CHODL: variants seen among roughly 807,000 people sequenced by gnomAD.
CHODL encodes the protein chondrolectin, also known as transmembrane protein MT75.
A neutral mutation model predicts 34.5 loss-of-function variants in CHODL; 29 were observed. That is an observed-to-expected ratio of 0.84 (90% CI 0.63 to 1.15). The LOEUF (loss-of-function observed/expected upper bound fraction) is 1.15. Among genes scored for constraint, CHODL ranks in the 50% most tolerant of loss-of-function variants. CHODL has a pLI of 0.00. For synonymous variants in CHODL, 125 were observed against 116.1 expected (o/e 1.08, Z -0.49); for missense variants, 332 against 332.5 (o/e 1.00, Z 0.01).
chr21:18,256,006 AG>A (rs1352264043), intron 1 of CHODL, among the ~76,000 whole-genome samples: 1 of 152,164 alleles, frequency 6.6e-6, no homozygotes, highest in Admixed American at 6.6e-5. Context: ...CAATTTTAAT[AG>A]ATTTGTTTCG....
At chr21:18,202,617 A>G (rs2073667220) in intron 2 of CHODL, among the ~76,000 whole-genome samples, 1 of 141,330 alleles carries the variant, frequency 7.1e-6, no homozygotes, top group Non-Finnish European at 1.6e-5. Flanking sequence ...GTGAGAAAAT[A>G]AATTTCTGTT....
chr21:17,973,105 C>G (rs921674411), intron 1 of CHODL, among the ~76,000 whole-genome samples: 1 of 152,170 alleles, frequency 6.6e-6, no homozygotes, highest in Non-Finnish European at 1.5e-5. Flanking sequence ...AAAACTGAAA[C>G]TGGACCCCTT....
intron 2 of CHODL, among the ~76,000 whole-genome samples, chr21:18,031,149 T>C (rs111644762): frequency 0.01 from 1,572 of 152,166 alleles, 27 homozygotes; most frequent in African/African-American, 0.036. Flanking sequence ...TCTAGGAAGA[T>C]GTGAAGCCCC....
At chr21:18,170,258 T>A (rs570235352) in intron 2 of CHODL, among the ~76,000 whole-genome samples, 68 of 152,102 alleles carry the variant, frequency 4.5e-4, no homozygotes, top group Non-Finnish European at 9.3e-4. Context: ...CTTTGGTTGC[T>A]CTTTGTATAG....
chr21:18,033,002 G>A (rs1175924396), intron 2 of CHODL, among the ~76,000 whole-genome samples: 2 of 152,016 alleles, frequency 1.3e-5, no homozygotes, highest in African/African-American at 4.8e-5. Flanking sequence ...GGAAGGGAGA[G>A]AGTAAGTATA....
At chr21:18,155,875 G>C (rs913506638) in intron 2 of CHODL, among the ~76,000 whole-genome samples, 1 of 152,152 alleles carries the variant, frequency 6.6e-6, no homozygotes, top group African/African-American at 2.4e-5. Flanking sequence ...GCTAGATAAA[G>C]GCCACTTACA....
At position 18,214,074 on chromosome 21, in the gene CHODL, G is replaced by A. The variant is rs111678865; in HGVS notation, c.-44-42435G>A. On this transcript the variant is annotated intron_variant, in intron 2 of 6. Coordinates refer to the CHODL transcript ENST00000400127. ...GTCTAAAGTCACTTTTTTTCTATCC[G>A]TAGACTCTAATAAATTTGCAATGCC... Among the ~76,000 whole-genome samples, 45 of 152,012 alleles carry A rather than the reference G, an allele frequency of 3.0e-4. No homozygotes were observed. In the East Asian group the frequency reaches 3.5e-3, roughly 12 times the overall value.
rs1016477091 is a variant in CHODL, at chr21:17,991,251, T to C, written c.-144-36621T>C. Among the ~76,000 whole-genome samples, 4 of 152,156 alleles carry C rather than the reference T, an allele frequency of 2.6e-5. No individual in the cohort carries two copies. The East Asian group carries it at 7.7e-4, about 29-fold the overall frequency. ...TTCTTGTCTTGGCTTTTGTGAATAA[T>C]GCAGCAATAAATGCTGGGGTGCAGG... On this transcript the variant is annotated intron_variant, in intron 1 of 6. Coordinates refer to the CHODL transcript ENST00000400127.
At chr21:18,236,085 C>A (rs992032386) in intron 2 of CHODL, among the ~76,000 whole-genome samples, 4 of 151,988 alleles carry the variant, frequency 2.6e-5, no homozygotes, top group African/African-American at 9.7e-5. Flanking sequence ...AATTTACAAG[C>A]GAAAGAGGTT....
chr21:17,989,350 TAA>T (rs1414857704), intron 1 of CHODL, among the ~76,000 whole-genome samples: 1 of 152,162 alleles, frequency 6.6e-6, no homozygotes, highest in East Asian at 1.9e-4. Context: ...AAGAGGACAT[TAA>T]GTTTCTTTTA....
At chr21:18,188,622 A>C (rs1008555) in intron 2 of CHODL, among the ~76,000 whole-genome samples, 14,789 of 152,256 alleles carry the variant, frequency 0.097, 872 homozygotes, top group East Asian at 0.15. Flanking sequence ...GTGTTTTCAA[A>C]TTGGGATATG....
chr21:18,190,235 G>C (rs1012101811), intron 2 of CHODL, among the ~76,000 whole-genome samples: 3 of 152,036 alleles, frequency 2.0e-5, no homozygotes, highest in African/African-American at 7.2e-5. Context: ...TCTAGGCCTA[G>C]GTGTACACAC....
intron 1 of CHODL, among the ~76,000 whole-genome samples, chr21:17,992,621 T>C (rs1445457463): frequency 2.6e-5 from 4 of 151,976 alleles, no homozygotes; most frequent in Admixed American, 6.6e-5. Context: ...TAGTTTGCTA[T>C]TGGTGTATAG....
In CHODL at chr21:18,256,776, C is replaced by T. The variant is rs1262591201; in HGVS notation, c.347C>T (p.Pro116Leu). 2.9e-5 allele frequency: 47 copies of T among 1,613,902 alleles called. No homozygotes were observed. Among genetic ancestry groups the T allele is most frequent in the Non-Finnish European group, 4.0e-5 (47 of 1,179,946 alleles). The change falls in exon 2 of 6, where the codon CCA becomes CTA. Residue 116 changes from proline to leucine, a missense_variant. Physicochemically the swap from Pro to Leu is moderately conservative, Grantham distance 98. Coordinates refer to ENST00000299295, the MANE Select transcript of CHODL (RefSeq NM_024944.3). ...NGDGQTSGAC[P>L]DLYQWSDGSN... Reference sequence around the variant, plus strand: ...GATGGGCAAACATCTGGTGCCTGCCCAGATCTCTACCAGTGGTCTGATGGA... The same window carrying T: ...GATGGGCAAACATCTGGTGCCTGCCTAGATCTCTACCAGTGGTCTGATGGA...
At chr21:18,231,045 C>T (rs558602081) in intron 2 of CHODL, among the ~76,000 whole-genome samples, 5 of 152,128 alleles carry the variant, frequency 3.3e-5, no homozygotes, top group African/African-American at 7.2e-5. Context: ...CGACCATGGG[C>T]GGAACACCTT....
intron 1 of CHODL, among the ~76,000 whole-genome samples, chr21:17,975,677 ATT>A (rs2063656533): frequency 6.6e-6 from 1 of 152,036 alleles, no homozygotes; most frequent in Non-Finnish European, 1.5e-5. Flanking sequence ...CTTCTGTACT[ATT>A]TACTGGAAAA....
intron 1 of CHODL, among the ~76,000 whole-genome samples, chr21:17,925,130 A>T (rs2063212879): frequency 6.6e-6 from 1 of 152,190 alleles, no homozygotes; most frequent in South Asian, 2.1e-4. Context: ...GGAAGAAAGG[A>T]AAGGACACAC....
At position 17,927,060 on chromosome 21, in the gene CHODL, A is replaced by ATGTATGTATATGTATATCTGTG. The variant is rs2063230541; in HGVS notation, c.-145+9670_-145+9691dup. Among the ~76,000 whole-genome samples the ATGTATGTATATGTATATCTGTG allele has an allele frequency of 2.0e-5, 3 of 150,854 alleles. No homozygotes were observed. In the East Asian group the frequency reaches 5.8e-4, roughly 29 times the overall value. On this transcript the variant is annotated intron_variant, in intron 1 of 6. Transcript: ENST00000400127. ...TGTATATGTATGCATATATGTGTATATGTATGTATATGTATATCTGTGTGT... is the reference window on the plus strand; with the variant it reads ...TGTATATGTATGCATATATGTGTATATGTATGTATATGTATATCTGTGTGTATGTATATGTATATCTGTGTGT...
chr21:18,064,105 T>C (rs912064299), intron 2 of CHODL, among the ~76,000 whole-genome samples: 2 of 152,202 alleles, frequency 1.3e-5, no homozygotes, highest in African/African-American at 4.8e-5. Context: ...TTTAAGAGCC[T>C]TTCTTTGTTA....
Sources: gnomAD v4.1 joint callset for allele counts (sites outside exome capture counted in the v4.1 genomes callset) on GRCh38, gnomAD v4.1.1 for gene constraint, MANE v1.5 for transcripts, NCBI Gene and HGNC (gene_info 2026-07-23, HGNC 2026-07-21) for gene names.